Variants in CSNK1G1 observed in about 807,000 individuals in gnomAD.
CSNK1G1 encodes casein kinase I isoform gamma-1.
In CSNK1G1, 22 loss-of-function variants were observed where a neutral mutation model predicts 59.6. The ratio of observed to expected loss-of-function variants is 0.37; its 90% confidence interval spans 0.26 to 0.53. The LOEUF (loss-of-function observed/expected upper bound fraction) is 0.53, where lower values mean the gene tolerates loss of function less well. Ranked by LOEUF, CSNK1G1 falls within the 20% of genes least tolerant of loss-of-function variation. CSNK1G1 has a pLI of 0.89. For missense variants in CSNK1G1, 384 were observed against 519.5 expected, an observed-to-expected ratio of 0.74 and a Z score of 2.54; for synonymous variants, 179 against 177.1, an observed-to-expected ratio of 1.01 and a Z score of -0.08.
At chr15:64,222,437 C>CAAAAAAAAAAAAAAAAAAAAAAA (rs1170075981) in intron 4 of CSNK1G1, among the ~76,000 whole-genome samples, 1 of 69,000 alleles carries the variant, frequency 1.4e-5, no homozygotes, top group Non-Finnish European at 2.7e-5. Context: ...ACAACACCAC[C>CAAAAAAAAAAAAAAAAAAAAAAA]AAAAAAAAAA....
At chr15:64,229,990 C>T (rs1305338871) in intron 4 of CSNK1G1, among the ~76,000 whole-genome samples, 3 of 132,098 alleles carry the variant, frequency 2.3e-5, no homozygotes, top group African/African-American at 8.4e-5. Context: ...GGCGCGACCT[C>T]GGCTCACTGT....
intron 10 of CSNK1G1, 79 bp downstream of exon 10, chr15:64,203,003 G>C (rs900620029): frequency 2.0e-6 from 2 of 1,007,432 alleles, no homozygotes; most frequent in Non-Finnish European, 1.6e-6. Flanking sequence ...ACACTAAAGC[G>C]GAGAAGCTGA....
chr15:64,274,263 C>G (rs1169914863), intron 2 of CSNK1G1, among the ~76,000 whole-genome samples: 2 of 152,174 alleles, frequency 1.3e-5, no homozygotes, highest in Non-Finnish European at 2.9e-5. Flanking sequence ...CAGGTCAACA[C>G]AAAATGCAGC....
chr15:64,228,982 G>A (rs901897172), intron 4 of CSNK1G1, among the ~76,000 whole-genome samples: 1 of 130,520 alleles, frequency 7.7e-6, no homozygotes, highest in Admixed American at 8.7e-5. Context: ...TCATACCGCT[G>A]TACACCAGCC....
chr15:64,223,692 CA>C (rs1395061277), intron 4 of CSNK1G1, among the ~76,000 whole-genome samples: 2 of 152,046 alleles, frequency 1.3e-5, no homozygotes, highest in Non-Finnish European at 2.9e-5. Flanking sequence ...TCTTATAAAC[CA>C]AACTGCAAGG....
intron 10 of CSNK1G1, among the ~76,000 whole-genome samples, chr15:64,201,717 T>C (rs1455663220): frequency 9.8e-5 from 14 of 142,610 alleles, no homozygotes; most frequent in Non-Finnish European, 2.0e-4. Flanking sequence ...TGTGTGTGTG[T>C]GTGTGTGTGT....
chr15:64,306,549 G>A (rs182490790), intron 1 of CSNK1G1, among the ~76,000 whole-genome samples: 2 of 152,270 alleles, frequency 1.3e-5, no homozygotes, highest in East Asian at 3.9e-4. Context: ...ATGCAAAATG[G>A]TACGGCTATT....
intron 1 of CSNK1G1, among the ~76,000 whole-genome samples, chr15:64,323,631 C>T (rs1237875835): frequency 9.2e-5 from 14 of 152,180 alleles, no homozygotes; most frequent in Admixed American, 8.5e-4. Context: ...TCCCAAAGTG[C>T]TGGGATTACA....
intron 1 of CSNK1G1, among the ~76,000 whole-genome samples, chr15:64,334,672 C>T (rs79909126): frequency 0.043 from 6,526 of 152,160 alleles, 154 homozygotes; most frequent in South Asian, 0.078. Context: ...ACAGGGTTCA[C>T]GCTCCTATGA....
intron 2 of CSNK1G1, among the ~76,000 whole-genome samples, chr15:64,294,589 T>C (rs1180961243): frequency 6.6e-6 from 1 of 152,116 alleles, no homozygotes; most frequent in Non-Finnish European, 1.5e-5. Flanking sequence ...TTTTTGCTGA[T>C]TACAAAATAC....
chr15:64,327,040 C>G (rs1896884306), intron 1 of CSNK1G1, among the ~76,000 whole-genome samples: 1 of 151,416 alleles, frequency 6.6e-6, no homozygotes, highest in Non-Finnish European at 1.5e-5. Context: ...CGGAATCTCG[C>G]TGATTGCTAG....
chr15:64,333,599 C>A (rs1159565468), intron 1 of CSNK1G1, among the ~76,000 whole-genome samples: 2 of 151,938 alleles, frequency 1.3e-5, no homozygotes, highest in Admixed American at 6.6e-5. Flanking sequence ...AGTATTAATG[C>A]TGAATGTAAA....
chr15:64,181,490 A>T, intron 10 of CSNK1G1: 1 of 1,404,294 alleles, frequency 7.1e-7, no homozygotes, highest in South Asian at 1.5e-5. Flanking sequence ...ATGCCCTTGG[A>T]TAAGTACTTC....
intron 4 of CSNK1G1, among the ~76,000 whole-genome samples, chr15:64,222,612 A>C (rs1171145538): frequency 1.3e-5 from 2 of 151,852 alleles, no homozygotes. Context: ...GCACCAATTC[A>C]AATATAAGCT....
At chr15:64,260,427 G>C (rs1047581199) in intron 2 of CSNK1G1, among the ~76,000 whole-genome samples, 1 of 152,074 alleles carries the variant, frequency 6.6e-6, no homozygotes, top group Non-Finnish European at 1.5e-5. Flanking sequence ...AGTATTTTCT[G>C]ATTTTTATAT....
At chr15:64,206,644 C>A (rs1021573494) in intron 7 of CSNK1G1, among the ~76,000 whole-genome samples, 1 of 131,736 alleles carries the variant, frequency 7.6e-6, no homozygotes, top group East Asian at 2.4e-4. Flanking sequence ...ATGGGACTTA[C>A]AATGGGTTAG....
At chr15:64,293,738 C>G (rs1378191444) in intron 2 of CSNK1G1, among the ~76,000 whole-genome samples, 1 of 152,136 alleles carries the variant, frequency 6.6e-6, no homozygotes, top group Non-Finnish European at 1.5e-5. Context: ...CCTGAAAGAT[C>G]AGTGGCAGCA....
chr15:64,344,325 C>T (rs1216638928), intron 1 of CSNK1G1, among the ~76,000 whole-genome samples: 1 of 152,146 alleles, frequency 6.6e-6, no homozygotes, highest in East Asian at 1.9e-4. Flanking sequence ...TTAGTTTTTA[C>T]ATAACACTCT....
chr15:64,182,309 G>A (rs553462202), intron 10 of CSNK1G1, among the ~76,000 whole-genome samples: 9 of 152,068 alleles, frequency 5.9e-5, no homozygotes, highest in Non-Finnish European at 8.8e-5. Flanking sequence ...CTGACCTCAG[G>A]TTGTCCACCT....
Sources: allele counts gnomAD v4.1 joint callset (sites outside exome capture counted in the v4.1 genomes callset), GRCh38; gene constraint gnomAD v4.1.1; transcripts MANE v1.5; gene names NCBI Gene and HGNC (gene_info 2026-07-23, HGNC 2026-07-21).